TP73: variants seen among roughly 807,000 people sequenced by gnomAD.
TP73 encodes p53-like transcription factor.
A neutral mutation model predicts 62.5 loss-of-function variants in TP73; 25 were observed. The ratio of observed to expected loss-of-function variants is 0.40; its 90% CI spans 0.29 to 0.56. The LOEUF is 0.56. TP73 is among the 20% of genes least tolerant of loss of function. The probability of loss-of-function intolerance (pLI) is 0.46; values close to 1 mark genes in which losing one functional copy is unlikely to be tolerated. For missense variants in TP73, 754 were observed against 913.3 expected, an observed-to-expected ratio of 0.83 and a Z score of 2.25; for synonymous variants, 423 against 377.5, an observed-to-expected ratio of 1.12 and a Z score of -1.40.
At chr1:3,709,844 A>C (rs187410065) in intron 4 of TP73, among the ~76,000 whole-genome samples, 6 of 152,270 alleles carry the variant, frequency 3.9e-5, no homozygotes, top group Admixed American at 3.3e-4. Context: ...TGGTCTGAGG[A>C]TGCTGATGGG....
chr1:3,727,519 C>A (rs930166140), intron 7 of TP73, 109 bp from the exon 8 acceptor site: 5 of 1,462,262 alleles, frequency 3.4e-6, no homozygotes, highest in Non-Finnish European at 4.6e-6. Context: ...TCTGTGGTGA[C>A]CGAGGGCTCT....
chr1:3,702,724 G>A (rs1466292498), intron 3 of TP73, among the ~76,000 whole-genome samples: 1 of 152,252 alleles, frequency 6.6e-6, no homozygotes, highest in East Asian at 1.9e-4. Context: ...CACTCCTTGG[G>A]TCAGGCCCAG....
intron 7 of TP73, 107 bp from the exon 8 acceptor site, chr1:3,727,521 G>T: frequency 6.8e-7 from 1 of 1,468,844 alleles, no homozygotes. Flanking sequence ...TGTGGTGACC[G>T]AGGGCTCTCA....
At position 3,735,633 on chromosome 1, in the gene TP73, T is replaced by A. The variant is rs1055492098; in HGVS notation, c.*2554T>A. ...GAATCCTTTAAGTGATATGTTTTTA[T>A]AAAACTAAACAAATCAACAAATAAA... is the stretch of plus-strand genomic sequence containing the variant. On this transcript the variant is annotated 3_prime_UTR_variant, in exon 14 of 14. Transcript: ENST00000378295. The A allele has an allele frequency of 6.6e-6, 1 of 152,232 alleles. No homozygotes were observed. The highest frequency in any genetic ancestry group is 6.5e-5 in the Admixed American group (1 of 15,284). 9.4% of individuals were successfully genotyped at this position (152,232 alleles called of 1,614,324 possible).
At chr1:3,675,515 G>T (rs1160932596) in intron 1 of TP73, among the ~76,000 whole-genome samples, 3 of 152,176 alleles carry the variant, frequency 2.0e-5, no homozygotes, top group Non-Finnish European at 4.4e-5. Flanking sequence ...CTGAATGGAG[G>T]AGGACACCCT....
At chr1:3,712,766 C>T (rs1003733760) in intron 4 of TP73, among the ~76,000 whole-genome samples, 1 of 152,190 alleles carries the variant, frequency 6.6e-6, no homozygotes, top group Non-Finnish European at 1.5e-5. Flanking sequence ...CCCCATTTTA[C>T]AGATGAGGAA....
rs1425357405 is a variant in TP73 at position 3,682,354 on chromosome 1, G to A, written c.-12G>A. 9 of 1,528,392 alleles carry A rather than the reference G, an allele frequency of 5.9e-6. No individual in the cohort carries two copies. Among genetic ancestry groups the A allele is most frequent in the South Asian group, 3.7e-5 (3 of 81,868 alleles). The allele number at this position is 1,528,392 out of a possible 1,614,324, so 94.7% of individuals were successfully genotyped here. On this transcript the variant is annotated 5_prime_UTR_variant, in exon 2 of 14. Transcript: ENST00000378295. ...GCAGAGCGAGCTGCCCTCGGAGGCC[G>A]GCGTGGGGAAGATGGCCCAGTCCAC...
rs1239302284 is a variant in TP73 at position 3,670,991 on chromosome 1, G to A, written c.-33-11342G>A. ...TGCTGGGAGGGAGGAGCCCTGGCAG[G>A]TCTGGGGAAGACCAGCGTCTCTTAA... On this transcript the variant is annotated intron_variant, in intron 1 of 13. Transcript: ENST00000378295. The surrounding 1 kb of genome is among the most constrained non-coding windows in gnomAD (Gnocchi z 5.9). Among the ~76,000 whole-genome samples, 1 of 152,206 alleles carries A rather than the reference G, an allele frequency of 6.6e-6. No homozygotes were observed. The highest frequency in any genetic ancestry group is 1.9e-4 in the East Asian group (1 of 5,200).
chr1:3,695,144 G>A (rs1007180495), intron 3 of TP73, among the ~76,000 whole-genome samples: 1 of 152,250 alleles, frequency 6.6e-6, no homozygotes, highest in African/African-American at 2.4e-5. Flanking sequence ...GGTGGACACA[G>A]AGACATTACC....
intron 4 of TP73, among the ~76,000 whole-genome samples, chr1:3,715,261 C>A (rs966303026): frequency 6.6e-6 from 1 of 152,168 alleles, no homozygotes; most frequent in African/African-American, 2.4e-5. Flanking sequence ...CACCTGACAC[C>A]TCTGTAGTAC....
In TP73 at chr1:3,682,433, G is replaced by C. The variant is rs2102089860; in HGVS notation, c.65+3G>C. 1 of 1,524,010 alleles carries C rather than the reference G, an allele frequency of 6.6e-7. No homozygotes were observed. The highest frequency in any genetic ancestry group is 8.9e-7 in the Non-Finnish European group (1 of 1,125,336). The allele number at this position is 1,524,010 out of a possible 1,614,324, so 94.4% of individuals were successfully genotyped here. A position where few individuals can be genotyped will look rare whatever the true frequency, so the allele number is the denominator to read the frequency against. On this transcript the variant is annotated splice_donor_region_variant and intron_variant, in intron 2 of 13. Transcript: ENST00000378295. ...TTTGAGCACCTCTGGAGCTCTCTGT[G>C]AGTGCGCTTGGCTGGCCAGAGCTGG...
rs777967796 is a variant in TP73, at chr1:3,729,468, C to T, written c.1196+20C>T. ...GAGGCCGTGAGTCAGCCCTAGCCCA[C>T]CATCAGTGTGGGGAAGGAGGACATG... On this transcript the variant is annotated intron_variant, in intron 10 of 13. Coordinates refer to ENST00000378295, the MANE Select transcript of TP73 (RefSeq NM_005427.4). 3.7e-6 allele frequency: 6 copies of T among 1,612,232 alleles called. No homozygotes were observed. The highest frequency in any genetic ancestry group is 5.1e-6 in the Non-Finnish European group (6 of 1,179,914).
rs559905892 is a variant in TP73 at position 3,733,530 on chromosome 1, A to G, written c.*451A>G. ...TTTGCGACATCTTTTGGTTCTGGAT[A>G]GTAGTGAGCAGCCAAGTGACTGTGT... On this transcript the variant is annotated 3_prime_UTR_variant, in exon 14 of 14. Coordinates refer to ENST00000378295, the MANE Select transcript of TP73 (RefSeq NM_005427.4). 8.5e-5 allele frequency: 16 copies of G among 188,050 alleles called. No homozygotes were observed. In the South Asian group the frequency reaches 1.9e-3, roughly 23 times the overall value. 11.6% of individuals were successfully genotyped at this position (188,050 alleles called of 1,614,324 possible). A position where few individuals can be genotyped will look rare whatever the true frequency, so the allele number is the denominator to read the frequency against.
chr1:3,673,084 G>A (rs971148623), intron 1 of TP73, among the ~76,000 whole-genome samples: 2 of 152,206 alleles, frequency 1.3e-5, no homozygotes, highest in Non-Finnish European at 2.9e-5. Flanking sequence ...GCATGCCCCC[G>A]GGCATGGAGC....
chr1:3,678,786 C>T (rs1295204873), intron 1 of TP73, among the ~76,000 whole-genome samples: 1 of 152,204 alleles, frequency 6.6e-6, no homozygotes, highest in Non-Finnish European at 1.5e-5. Flanking sequence ...GATTCCTGGG[C>T]CCTGCCCCAG....
intron 8 of TP73, 41 bp downstream of exon 8, chr1:3,727,811 G>A (rs1165537008): frequency 6.7e-7 from 1 of 1,486,362 alleles, no homozygotes; most frequent in Non-Finnish European, 8.9e-7. Flanking sequence ...TGTGGGAGGA[G>A]AAGGGGACAC....
intron 1 of TP73, among the ~76,000 whole-genome samples, chr1:3,665,063 C>T (rs139462097): frequency 2.0e-5 from 3 of 152,290 alleles, no homozygotes; most frequent in African/African-American, 7.2e-5. Flanking sequence ...GAGCTGTGAT[C>T]GGCCACGCTC....
chr1:3,669,096 G>A (rs185514988), intron 1 of TP73, among the ~76,000 whole-genome samples: 97 of 152,350 alleles, frequency 6.4e-4, no homozygotes, highest in African/African-American at 2.1e-3. Context: ...GCCCGCCTGC[G>A]GGAGCCAGGA....
Position 3,727,220 on chromosome 1 carries a change from C to A in TP73, c.838C>A (p.Arg280=). 6.2e-7 allele frequency: 1 copy of A among 1,611,374 alleles called. No individual in the cohort carries two copies. The highest frequency in any genetic ancestry group is 8.5e-7 in the Non-Finnish European group (1 of 1,179,040). Reference sequence around the variant, plus strand: ...CCTCATCATCATCACCCTGGAGATGCGGGAGTGAGTCCCGGGCACACGGGG... The same window carrying A: ...CCTCATCATCATCACCCTGGAGATGAGGGAGTGAGTCCCGGGCACACGGGG... ...PILIIITLEM[R]DGQVLGRRSF... is the part of the protein sequence containing the mutation. Residue 280 remains arginine, a synonymous_variant, in exon 7 of 14, where the codon CGG becomes AGG. Coordinates refer to ENST00000378295, the MANE Select transcript of TP73 (RefSeq NM_005427.4).
Sources: gnomAD v4.1 joint callset for allele counts (sites outside exome capture counted in the v4.1 genomes callset) on GRCh38, gnomAD v4.1.1 for gene constraint, Gnocchi (gnomAD v3.1) non-coding constraint, MANE v1.5 for transcripts, NCBI Gene and HGNC (gene_info 2026-07-23, HGNC 2026-07-21) for gene names.